QTMAN: variants seen among roughly 807,000 people sequenced by gnomAD.
QTMAN encodes tRNA-queuosine alpha-mannosyltransferase.
chr2:143,993,188 CTG>C, the QTMAN span, among the ~76,000 whole-genome samples: 1 of 152,116 alleles, frequency 6.6e-6, no homozygotes, highest in African/African-American at 2.4e-5. Flanking sequence ...TGAACAGAGA[CTG>C]TGTGTGTGAT....
At chr2:144,246,009 C>T in the QTMAN span, among the ~76,000 whole-genome samples, 4 of 152,214 alleles carry the variant, frequency 2.6e-5, no homozygotes, top group African/African-American at 9.6e-5. Context: ...ACCTCAACCA[C>T]CAGGAATGTT....
chr2:143,977,924 C>T, the QTMAN span, among the ~76,000 whole-genome samples: 26 of 152,176 alleles, frequency 1.7e-4, no homozygotes, highest in African/African-American at 6.0e-4. Flanking sequence ...CAGTTTCCTT[C>T]CTAAAGTCTG....
At chr2:144,067,987 AG>A in the QTMAN span, among the ~76,000 whole-genome samples, 806 of 152,352 alleles carry the variant, frequency 5.3e-3, 7 homozygotes, top group African/African-American at 0.019. Flanking sequence ...TCTGGGTACC[AG>A]GATAATATGC....
the QTMAN span, among the ~76,000 whole-genome samples, chr2:144,070,306 T>C: frequency 6.6e-6 from 1 of 152,256 alleles, no homozygotes; most frequent in South Asian, 2.1e-4. Context: ...CAACAAACCA[T>C]TAAGTTCATC....
the QTMAN span, among the ~76,000 whole-genome samples, chr2:143,965,200 TA>T: frequency 1.3e-5 from 2 of 152,162 alleles, no homozygotes; most frequent in Non-Finnish European, 2.9e-5. Flanking sequence ...ATGCTTTATG[TA>T]GCAGAATGAC....
the QTMAN span, among the ~76,000 whole-genome samples, chr2:144,206,574 A>G: frequency 1.3e-5 from 2 of 152,190 alleles, no homozygotes; most frequent in Non-Finnish European, 2.9e-5. Context: ...AGTATAGTTA[A>G]CTGCAAAGGC....
the QTMAN span, among the ~76,000 whole-genome samples, chr2:143,953,710 A>T: frequency 6.6e-6 from 1 of 151,918 alleles, no homozygotes; most frequent in Non-Finnish European, 1.5e-5. Context: ...GCTAGAAATT[A>T]TGCAGTGAAA....
chr2:144,330,112 C>A, the QTMAN span, among the ~76,000 whole-genome samples: 9 of 152,208 alleles, frequency 5.9e-5, no homozygotes, highest in African/African-American at 1.9e-4. Context: ...TAGATTATTA[C>A]ATGTGATAGG....
chr2:144,268,611 ATC>A, the QTMAN span, among the ~76,000 whole-genome samples: 5 of 152,230 alleles, frequency 3.3e-5, no homozygotes, highest in Non-Finnish European at 5.9e-5. Context: ...AGAAATAAAT[ATC>A]TGTTGTTTAA....
chr2:143,970,215 T>C, the QTMAN span, among the ~76,000 whole-genome samples: 2 of 152,208 alleles, frequency 1.3e-5, no homozygotes, highest in African/African-American at 4.8e-5. Flanking sequence ...ACATGGACTA[T>C]AGTCCATTCC....
chr2:144,233,546 C>G, the QTMAN span, among the ~76,000 whole-genome samples: 11 of 152,264 alleles, frequency 7.2e-5, no homozygotes, highest in African/African-American at 2.6e-4. Flanking sequence ...TTACAAAAAC[C>G]ACTGCCAGAA....
chr2:144,322,514 C>A, the QTMAN span, among the ~76,000 whole-genome samples: 2 of 152,058 alleles, frequency 1.3e-5, no homozygotes, highest in Admixed American at 6.6e-5. Flanking sequence ...TTCTTTCATG[C>A]CTAGCTTAAT....
the QTMAN span, among the ~76,000 whole-genome samples, chr2:144,247,892 T>C: frequency 6.6e-6 from 1 of 152,178 alleles, no homozygotes; most frequent in Non-Finnish European, 1.5e-5. Flanking sequence ...GGTTTCACCA[T>C]ACTGCCCAGG....
At chr2:144,262,120 T>C in the QTMAN span, among the ~76,000 whole-genome samples, 1 of 152,050 alleles carries the variant, frequency 6.6e-6, no homozygotes, top group Non-Finnish European at 1.5e-5. Context: ...GATATATACA[T>C]AAAAGGTCAA....
chr2:144,045,025 C>CA, the QTMAN span, among the ~76,000 whole-genome samples: 2 of 152,192 alleles, frequency 1.3e-5, no homozygotes, highest in Non-Finnish European at 2.9e-5. Context: ...ATGACTCCTC[C>CA]ACAGGCAAGT....
the QTMAN span, among the ~76,000 whole-genome samples, chr2:144,168,331 C>G: frequency 2.0e-5 from 3 of 152,222 alleles, no homozygotes; most frequent in Non-Finnish European, 4.4e-5. Flanking sequence ...ACAACACCAT[C>G]TTTGGCAACT....
chr2:144,062,325 G>C, the QTMAN span, among the ~76,000 whole-genome samples: 13 of 152,184 alleles, frequency 8.5e-5, no homozygotes, highest in African/African-American at 3.1e-4. Flanking sequence ...TACCCACAAA[G>C]AGGTCCAGGG....
At chr2:144,172,349 G>A in the QTMAN span, among the ~76,000 whole-genome samples, 1 of 151,912 alleles carries the variant, frequency 6.6e-6, no homozygotes, top group Non-Finnish European at 1.5e-5. Context: ...GGCCAGGCAC[G>A]GAAGTTCACA....
At chr2:144,072,885 A>G in the QTMAN span, among the ~76,000 whole-genome samples, 1 of 152,188 alleles carries the variant, frequency 6.6e-6, no homozygotes, top group South Asian at 2.1e-4. Flanking sequence ...TTATTCCTGC[A>G]AAGATCTTGA....
Sources: allele counts gnomAD v4.1 joint callset (sites outside exome capture counted in the v4.1 genomes callset), GRCh38; gene constraint gnomAD v4.1.1; transcripts MANE v1.5; gene names NCBI Gene and HGNC (gene_info 2026-07-23, HGNC 2026-07-21).